SHB: variants seen among roughly 807,000 people sequenced by gnomAD.
The protein encoded by SHB is SH2 domain-containing adapter protein B.
Under a neutral mutation model 52.3 loss-of-function variants are expected in SHB, and 20 were observed. That is an observed-to-expected ratio of 0.38 (90% CI 0.27 to 0.56). The LOEUF (loss-of-function observed/expected upper bound fraction) is 0.56. SHB is among the 20% of genes least tolerant of loss of function. The pLI is 0.71. For missense variants in SHB, 825 were observed against 723.3 expected (o/e 1.14, Z -1.61); for synonymous variants, 397 against 316.5 (o/e 1.25, Z -2.70).
intron 1 of SHB, among the ~76,000 whole-genome samples, chr9:38,037,300 C>T (rs1281429834): frequency 6.6e-6 from 1 of 152,172 alleles, no homozygotes; most frequent in Non-Finnish European, 1.5e-5. Flanking sequence ...CCTATCTTAC[C>T]TCCATATAGG....
rs539069902 is a variant in SHB, at chr9:37,918,577, G to A, written c.*1244C>T. On this transcript the variant is annotated 3_prime_UTR_variant, in exon 6 of 6. Transcript: ENST00000377707. Reference sequence around the variant, plus strand: ...GGGCTCTATGTCCCTGGGAGGTCAGGATTCTCCCTCCTCCATGGGCAGGGT... The same window carrying A: ...GGGCTCTATGTCCCTGGGAGGTCAGAATTCTCCCTCCTCCATGGGCAGGGT... 2.6e-5 allele frequency among the ~76,000 whole-genome samples: 4 copies of A among 152,194 alleles called. No individual in the cohort carries two copies. The highest frequency in any genetic ancestry group is 2.6e-4 in the Admixed American group (4 of 15,286).
intron 2 of SHB, among the ~76,000 whole-genome samples, chr9:37,994,498 G>A (rs1320396145): frequency 6.6e-6 from 1 of 152,220 alleles, no homozygotes; most frequent in African/African-American, 2.4e-5. Context: ...GGAGACTTAG[G>A]TTCAAACCCT....
At chr9:38,057,331 A>C (rs1408975641) in intron 1 of SHB, among the ~76,000 whole-genome samples, 1 of 152,232 alleles carries the variant, frequency 6.6e-6, no homozygotes, top group East Asian at 1.9e-4. Context: ...TATGCAATGA[A>C]AAATGGCTAG....
chr9:37,919,574 C>G lies in SHB; in HGVS notation c.*247G>C, dbSNP rs1414614575. On this transcript the variant is annotated 3_prime_UTR_variant, in exon 6 of 6. Transcript: ENST00000377707. ...CTTTGGATTTGCAAATATTTTAATT[C>G]ACAGAAACTCAAGGAGAGGGTGGGG... 1 of 209,628 alleles carries G rather than the reference C, an allele frequency of 4.8e-6. No individual in the cohort carries two copies. The highest frequency in any genetic ancestry group is 9.4e-6 in the Non-Finnish European group (1 of 106,294). The allele number at this position is 209,628 out of a possible 1,614,324, so 13.0% of individuals were successfully genotyped here.
intron 5 of SHB, among the ~76,000 whole-genome samples, chr9:37,939,258 A>C (rs191288777): frequency 5.9e-5 from 9 of 152,368 alleles, no homozygotes; most frequent in African/African-American, 1.7e-4. Flanking sequence ...CAAATGGAGA[A>C]CTTCTAAGCT....
intron 3 of SHB, among the ~76,000 whole-genome samples, chr9:37,968,303 T>A (rs886583563): frequency 6.6e-6 from 1 of 152,174 alleles, no homozygotes; most frequent in African/African-American, 2.4e-5. Flanking sequence ...ATAAGTAAAC[T>A]AAGGCTCAGG....
At chr9:37,985,426 T>C (rs1820793040) in intron 2 of SHB, among the ~76,000 whole-genome samples, 1 of 152,258 alleles carries the variant, frequency 6.6e-6, no homozygotes, top group African/African-American at 2.4e-5. Context: ...AGCTCTGCAA[T>C]GATCCACAGT....
intron 3 of SHB, among the ~76,000 whole-genome samples, chr9:37,973,976 C>A (rs774559752): frequency 2.0e-5 from 3 of 152,160 alleles, no homozygotes; most frequent in Non-Finnish European, 4.4e-5. Context: ...GAAATCAGGC[C>A]GGGTGTGGTG....
At chr9:37,993,496 C>T (rs941564357) in intron 2 of SHB, among the ~76,000 whole-genome samples, 1 of 152,104 alleles carries the variant, frequency 6.6e-6, no homozygotes, top group Non-Finnish European at 1.5e-5. Flanking sequence ...CAACATGGCA[C>T]ATGTATACAT....
At chr9:37,977,102 G>A (rs1463431156) in intron 2 of SHB, among the ~76,000 whole-genome samples, 1 of 152,112 alleles carries the variant, frequency 6.6e-6, no homozygotes, top group Non-Finnish European at 1.5e-5. Context: ...AACCTGGGTG[G>A]TTACTTATCA....
At chr9:38,058,245 C>T (rs138627825) in intron 1 of SHB, among the ~76,000 whole-genome samples, 1 of 152,336 alleles carries the variant, frequency 6.6e-6, no homozygotes, top group Non-Finnish European at 1.5e-5. Flanking sequence ...TCCCCATTTC[C>T]TCCCACAGAC....
intron 1 of SHB, among the ~76,000 whole-genome samples, chr9:38,038,803 C>T (rs1821525111): frequency 6.6e-6 from 1 of 152,056 alleles, no homozygotes; most frequent in African/African-American, 2.4e-5. Flanking sequence ...CAGGGAGAAA[C>T]TGGGTGTTGG....
chr9:38,043,030 C>T (rs1441443133), intron 1 of SHB, among the ~76,000 whole-genome samples: 1 of 152,198 alleles, frequency 6.6e-6, no homozygotes, highest in Non-Finnish European at 1.5e-5. Flanking sequence ...CTTGTCCTTG[C>T]CAAACTCCGT....
intron 3 of SHB, among the ~76,000 whole-genome samples, chr9:37,962,758 T>A (rs1293248039): frequency 6.6e-6 from 1 of 152,028 alleles, no homozygotes; most frequent in Non-Finnish European, 1.5e-5. Flanking sequence ...GTGATCCTCC[T>A]ACCTCAGTCT....
Position 38,041,092 on chromosome 9 carries a change from A to G in SHB, c.718-24961T>C, listed in dbSNP as rs970417139. Among the ~76,000 whole-genome samples the G allele has an allele frequency of 2.6e-5, 4 of 152,146 alleles. No homozygotes were observed. In the South Asian group the frequency reaches 8.3e-4, roughly 32 times the overall value. On this transcript the variant is annotated intron_variant, in intron 1 of 5. Coordinates refer to ENST00000377707, the MANE Select transcript of SHB (RefSeq NM_003028.3). ...TCTCCAGGCTAACAAGCCACAGCTT[A>G]GTTTCTTCTGGGCAGGGATGGAGGG...
At chr9:38,042,546 C>T (rs573738689) in intron 1 of SHB, among the ~76,000 whole-genome samples, 85 of 152,310 alleles carry the variant, frequency 5.6e-4, no homozygotes, top group Non-Finnish European at 8.5e-4. Context: ...TGGAAAGTGC[C>T]GGTGCAGGGG....
intron 1 of SHB, among the ~76,000 whole-genome samples, chr9:38,025,537 G>A (rs541175900): frequency 1.3e-4 from 20 of 152,318 alleles, no homozygotes; most frequent in South Asian, 4.1e-4. Flanking sequence ...TTTCTCCTTC[G>A]GAGCTGAAGG....
rs530568675 is a variant in SHB at position 38,002,155 on chromosome 9, T to C, written c.838+13856A>G. On this transcript the variant is annotated intron_variant, in intron 2 of 5. Coordinates refer to ENST00000377707, the MANE Select transcript of SHB (RefSeq NM_003028.3). Reference sequence around the variant, plus strand: ...TAAAAAAAGGATAGCAAGGACTGCCTCCAGGGTTGTTCTGAGGATGAAATG... The same window carrying C: ...TAAAAAAAGGATAGCAAGGACTGCCCCCAGGGTTGTTCTGAGGATGAAATG... Among the ~76,000 whole-genome samples the C allele has an allele frequency of 5.9e-5, 9 of 152,248 alleles. No individual in the cohort carries two copies. In the East Asian group the frequency reaches 1.7e-3, roughly 29 times the overall value.
intron 2 of SHB, among the ~76,000 whole-genome samples, chr9:37,987,286 C>T (rs927624609): frequency 2.0e-5 from 3 of 152,238 alleles, no homozygotes; most frequent in Non-Finnish European, 4.4e-5. Flanking sequence ...TAAGTGCATG[C>T]CATCCAGCTT....
Sources: gnomAD v4.1 joint callset for allele counts (sites outside exome capture counted in the v4.1 genomes callset) on GRCh38, gnomAD v4.1.1 for gene constraint, MANE v1.5 for transcripts, NCBI Gene and HGNC (gene_info 2026-07-23, HGNC 2026-07-21) for gene names.